MRTFA: variants seen among roughly 807,000 people sequenced by gnomAD.
MRTFA encodes the protein myocardin related transcription factor A.
A neutral mutation model predicts 83.5 loss-of-function variants in MRTFA; 20 were observed. The observed-to-expected ratio is 0.24, with a 90% CI of 0.17 to 0.35. MRTFA has a LOEUF of 0.35. Ranked by LOEUF, MRTFA falls within the 10% of genes least tolerant of loss-of-function variation. The pLI, the probability that MRTFA is intolerant of heterozygous loss-of-function variation, is 1.00. For synonymous variants in MRTFA, 659 were observed against 541.2 expected (o/e 1.22, Z -3.02); for missense variants, 1,200 against 1,224.7 (o/e 0.98, Z 0.30).
chr22:40,436,561 CA>C (rs2053173887), intron 4 of MRTFA, among the ~76,000 whole-genome samples: 1 of 152,162 alleles, frequency 6.6e-6, no homozygotes, highest in East Asian at 1.9e-4. Context: ...CTTCTGCAAA[CA>C]ACACTCAGGT....
intron 3 of MRTFA, among the ~76,000 whole-genome samples, chr22:40,502,780 G>C (rs952566800): frequency 2.6e-5 from 4 of 152,010 alleles, no homozygotes; most frequent in African/African-American, 7.3e-5. Context: ...TCGCCGGCGC[G>C]GCGGCAAAGA....
intron 3 of MRTFA, among the ~76,000 whole-genome samples, chr22:40,475,307 G>A (rs960767308): frequency 1.1e-4 from 16 of 151,980 alleles, no homozygotes; most frequent in Admixed American, 7.9e-4. Context: ...GGAGGCTGAG[G>A]TGGGCGGATC....
chr22:40,490,080 G>GT (rs569488980), intron 3 of MRTFA, among the ~76,000 whole-genome samples: 58 of 151,286 alleles, frequency 3.8e-4, no homozygotes, highest in Non-Finnish European at 6.6e-4. Context: ...TTGCCTATAG[G>GT]TTTTTTTTGC....
At chr22:40,529,664 G>A (rs1044584162) in intron 3 of MRTFA, among the ~76,000 whole-genome samples, 8 of 152,102 alleles carry the variant, frequency 5.3e-5, no homozygotes, top group African/African-American at 1.9e-4. Context: ...AGATTTTAAA[G>A]TACACAGTTT....
At chr22:40,431,613 C>T in intron 5 of MRTFA, 133 bp from the exon 6 acceptor site, 2 of 827,562 alleles carry the variant, frequency 2.4e-6, no homozygotes, top group Non-Finnish European at 4.0e-6. Flanking sequence ...AACTTGGTGA[C>T]TGCAGGGTTC....
At chr22:40,602,272 CACAAATGATTATG>C (rs2056269155) in intron 1 of MRTFA, among the ~76,000 whole-genome samples, 1 of 152,148 alleles carries the variant, frequency 6.6e-6, no homozygotes, top group Admixed American at 6.5e-5. Context: ...GCTAAGGAAA[CACAAATGATTATG>C]ACAAAATCCC....
intron 2 of MRTFA, among the ~76,000 whole-genome samples, chr22:40,589,124 T>C (rs1207844198): frequency 6.6e-6 from 1 of 152,194 alleles, no homozygotes; most frequent in African/African-American, 2.4e-5. Flanking sequence ...GGTTAACATA[T>C]GGATCCTACA....
intron 4 of MRTFA, among the ~76,000 whole-genome samples, chr22:40,438,688 T>C (rs1569265353): frequency 6.6e-6 from 1 of 152,236 alleles, no homozygotes; most frequent in Non-Finnish European, 1.5e-5. Flanking sequence ...CACATAACTT[T>C]TATTACAGTG....
chr22:40,470,440 A>C (rs2053890027), intron 3 of MRTFA, among the ~76,000 whole-genome samples: 1 of 151,296 alleles, frequency 6.6e-6, no homozygotes. Flanking sequence ...AATACAGCTG[A>C]AACAGTGCTT....
intron 1 of MRTFA, among the ~76,000 whole-genome samples, chr22:40,619,889 CAAAAAA>C (rs1213944103): frequency 1.9e-5 from 1 of 52,442 alleles, no homozygotes; most frequent in Non-Finnish European, 3.8e-5. Flanking sequence ...AACTCCGTCT[CAAAAAA>C]AAAAAAAAAA....
intron 1 of MRTFA, among the ~76,000 whole-genome samples, chr22:40,595,500 T>C (rs191609496): frequency 6.6e-6 from 1 of 152,286 alleles, no homozygotes; most frequent in African/African-American, 2.4e-5. Flanking sequence ...GTATAAGTGT[T>C]CTACATTCAT....
At chr22:40,592,266 CAA>C (rs398037181) in intron 2 of MRTFA, among the ~76,000 whole-genome samples, 8 of 86,278 alleles carry the variant, frequency 9.3e-5, no homozygotes, top group Admixed American at 1.4e-4. Flanking sequence ...TCAGTCTCTA[CAA>C]AAAAAAAAAA....
chr22:40,611,008 G>C (rs906072616), intron 1 of MRTFA, among the ~76,000 whole-genome samples: 1 of 150,070 alleles, frequency 6.7e-6, no homozygotes, highest in Admixed American at 6.7e-5. Flanking sequence ...TGCCATCTCG[G>C]CTCACTGCAA....
chr22:40,518,450 A>G (rs563552555), intron 3 of MRTFA, among the ~76,000 whole-genome samples: 1 of 151,838 alleles, frequency 6.6e-6, no homozygotes, highest in South Asian at 2.1e-4. Flanking sequence ...AAACCTACAC[A>G]TCTGATGTCA....
rs770610181 is a variant in MRTFA at position 40,421,100 on chromosome 22, G to T, written c.928C>A (p.Gln310Lys). 6.5e-7 allele frequency: 1 copy of T among 1,529,848 alleles called. No individual in the cohort carries two copies. The allele number at this position is 1,529,848 out of a possible 1,614,324, so 94.8% of individuals were successfully genotyped here. A position where few individuals can be genotyped will look rare whatever the true frequency, so the allele number is the denominator to read the frequency against. The change falls in exon 10 of 15, where the codon CAA (glutamine) becomes AAA (lysine). Residue 310 changes from glutamine (Q) to lysine (K), a missense_variant and splice_region_variant. Gln to Lys is a moderately conservative substitution (Grantham distance 53, BLOSUM62 1). Transcript: ENST00000355630. ...TCACTGGCAGACTTGGGTTGGCTTT[G>T]CTGAGGGCACAGGAGACAGGGTGCC...
chr22:40,624,926 A>AC (rs2056564571), intron 1 of MRTFA, among the ~76,000 whole-genome samples: 1 of 152,218 alleles, frequency 6.6e-6, no homozygotes, highest in Non-Finnish European at 1.5e-5. Context: ...TTCATGCTAC[A>AC]GAGTGTCTGA....
At chr22:40,495,294 CA>C (rs1210346007) in intron 3 of MRTFA, among the ~76,000 whole-genome samples, 2 of 151,636 alleles carry the variant, frequency 1.3e-5, no homozygotes, top group East Asian at 1.9e-4. Context: ...AAAAAAAATA[CA>C]AAAAAAATTA....
chr22:40,446,529 A>G (rs1027020570), intron 4 of MRTFA, among the ~76,000 whole-genome samples: 2 of 152,234 alleles, frequency 1.3e-5, no homozygotes, highest in African/African-American at 4.8e-5. Context: ...GAGGAGGGCC[A>G]CAGAGGCAGG....
intron 2 of MRTFA, among the ~76,000 whole-genome samples, chr22:40,577,933 T>TG (rs1195819067): frequency 2.0e-5 from 3 of 150,600 alleles, no homozygotes; most frequent in African/African-American, 7.3e-5. Context: ...AACCACTGTC[T>TG]GGTAAGACTC....
Sources: gnomAD v4.1 joint callset for allele counts (sites outside exome capture counted in the v4.1 genomes callset) on GRCh38, gnomAD v4.1.1 for gene constraint, MANE v1.5 for transcripts, NCBI Gene and HGNC (gene_info 2026-07-23, HGNC 2026-07-21) for gene names.